The following SERINC5 variants were observed in gnomAD, a reference collection of about 807,000 sequenced individuals.
The protein encoded by SERINC5 is chromosome 5 open reading frame 12.
A neutral mutation model predicts 63.1 loss-of-function variants in SERINC5; 41 were observed. That is an observed-to-expected ratio of 0.65 (90% CI 0.51 to 0.84). The LOEUF (loss-of-function observed/expected upper bound fraction) is 0.84, where lower values mean the gene tolerates loss of function less well. Ranked by LOEUF, SERINC5 falls within the 40% of genes least tolerant of loss-of-function variation. The pLI is 0.00. For synonymous variants in SERINC5, 222 were observed against 215.2 expected (o/e 1.03, Z -0.28); for missense variants, 523 against 573.0 (o/e 0.91, Z 0.89).
Position 80,178,061 on chromosome 5 carries a change from G to A in SERINC5, c.199C>T (p.Pro67Ser). ...TVAHKMKEHI[P>S]FFEDMCKGIK... ...CCTTTACACATATCTTCAAAAAAAG[G>A]AATCTGAGGAGAAAGTTTAGAAAAG... The change falls in exon 3 of 12, where the codon CCT becomes TCT. Residue 67 changes from proline to serine, a missense_variant. Physicochemically the swap from Pro to Ser is moderately conservative, Grantham distance 74. Transcript: ENST00000507668. 2.5e-6 allele frequency: 4 copies of A among 1,592,972 alleles called. No individual in the cohort carries two copies. The highest frequency in any genetic ancestry group is 3.4e-6 in the Non-Finnish European group (4 of 1,171,970).
chr5:80,172,966 T>C (rs536066650), intron 5 of SERINC5, among the ~76,000 whole-genome samples: 4 of 152,288 alleles, frequency 2.6e-5, no homozygotes, highest in Non-Finnish European at 2.9e-5. Context: ...CATTTAACAA[T>C]TGGAGACCCA....
Position 80,232,791 on chromosome 5 carries a change from A to T in SERINC5, c.27+23105T>A, listed in dbSNP as rs10064181. Among the ~76,000 whole-genome samples, 705 of 152,246 alleles carry T rather than the reference A, an allele frequency of 4.6e-3. 5 individuals carry two copies. The highest frequency in any genetic ancestry group is 0.015 in the African/African-American group (639 of 41,536). ...GAGCGAAACTCCATCTCAAAAAAAAAAAATAAAAAGGAATGAAGTACTGAC... is the reference window on the plus strand; with the variant it reads ...GAGCGAAACTCCATCTCAAAAAAAATAAATAAAAAGGAATGAAGTACTGAC... On this transcript the variant is annotated intron_variant, in intron 1 of 11. Coordinates refer to ENST00000507668, the MANE Select transcript of SERINC5 (RefSeq NM_001174072.3).
At chr5:80,186,737 T>C (rs1348965370) in intron 2 of SERINC5, among the ~76,000 whole-genome samples, 2 of 152,222 alleles carry the variant, frequency 1.3e-5, no homozygotes, top group African/African-American at 2.4e-5. Context: ...ACAGGTCTAA[T>C]TGGCCAGGGG....
chr5:80,143,407 G>T lies in SERINC5; in HGVS notation c.*256C>A, dbSNP rs1466359388. 6 of 1,197,774 alleles carry T rather than the reference G, an allele frequency of 5.0e-6. No homozygotes were observed. The highest frequency in any genetic ancestry group is 5.2e-6 in the Non-Finnish European group (5 of 965,156). The allele number at this position is 1,197,774 out of a possible 1,614,324, so 74.2% of individuals were successfully genotyped here. On this transcript the variant is annotated 3_prime_UTR_variant, in exon 12 of 12. Coordinates refer to ENST00000507668, the MANE Select transcript of SERINC5 (RefSeq NM_001174072.3). ...ATGCAGAAGGAAGTCAACATAACTG[G>T]TATCCAGTTCCTAGGGGTAAGATAT...
chr5:80,180,324 T>C lies in SERINC5; in HGVS notation c.196-2260A>G, dbSNP rs1015005558. Among the ~76,000 whole-genome samples, 3 of 152,156 alleles carry C rather than the reference T, an allele frequency of 2.0e-5. No homozygotes were observed. The East Asian group carries it at 5.8e-4, about 29-fold the overall frequency. On this transcript the variant is annotated intron_variant, in intron 2 of 11. Transcript: ENST00000507668. ...AGAAAATAAATCACATTATAACTAT[T>C]ATTCATAAGAAAAATAAAGTATCAC...
chr5:80,121,017 A>G (rs1361724669), intron 11 of SERINC5, among the ~76,000 whole-genome samples: 1 of 151,964 alleles, frequency 6.6e-6, no homozygotes, highest in African/African-American at 2.4e-5. Context: ...CCTCCTGAGT[A>G]GCTGGGACTA....
intron 1 of SERINC5, among the ~76,000 whole-genome samples, chr5:80,222,802 G>T (rs1459951858): frequency 6.6e-6 from 1 of 151,974 alleles, no homozygotes; most frequent in South Asian, 2.1e-4. Context: ...TCGAACTCCT[G>T]GCCTCAGGTG....
chr5:80,230,957 C>T (rs1325279316), intron 1 of SERINC5, among the ~76,000 whole-genome samples: 5 of 151,972 alleles, frequency 3.3e-5, no homozygotes, highest in South Asian at 2.1e-4. Flanking sequence ...GAACTACAGG[C>T]GCACACTACC....
chr5:80,164,910 G>GTTATTTTTTTTTTTT (rs1747174487), intron 7 of SERINC5, among the ~76,000 whole-genome samples: 1 of 85,190 alleles, frequency 1.2e-5, no homozygotes. Context: ...CTTTTTTTCT[G>GTTATTTTTTTTTTTT]TTTTTTTTTT....
chr5:80,232,260 C>T (rs979381895), intron 1 of SERINC5, among the ~76,000 whole-genome samples: 3 of 151,178 alleles, frequency 2.0e-5, no homozygotes, highest in East Asian at 3.9e-4. Context: ...AAAAAAAAGC[C>T]GGGCGTGGTG....
chr5:80,243,743 T>C (rs868391304), intron 1 of SERINC5, among the ~76,000 whole-genome samples: 2 of 140,080 alleles, frequency 1.4e-5, no homozygotes, highest in South Asian at 4.6e-4. Context: ...CTGTCTCTAT[T>C]TAAATAAATA....
chr5:80,184,079 CAA>C (rs146026190), intron 2 of SERINC5, among the ~76,000 whole-genome samples: 398 of 152,244 alleles, frequency 2.6e-3, no homozygotes, highest in Admixed American at 4.2e-3. Flanking sequence ...TAACCCAAAA[CAA>C]AAGTTACACC....
At chr5:80,179,168 T>G (rs913272966) in intron 2 of SERINC5, among the ~76,000 whole-genome samples, 3 of 151,930 alleles carry the variant, frequency 2.0e-5, no homozygotes, top group East Asian at 1.9e-4. Context: ...GTGTGGTGGC[T>G]CGTGCCTGTA....
chr5:80,228,532 T>G (rs1468031798), intron 1 of SERINC5, among the ~76,000 whole-genome samples: 2 of 152,306 alleles, frequency 1.3e-5, no homozygotes, highest in African/African-American at 4.8e-5. Flanking sequence ...CATAGCTCTT[T>G]GGAGCCTTGA....
At chr5:80,150,341 C>T (rs897288258) in intron 9 of SERINC5, among the ~76,000 whole-genome samples, 7 of 152,032 alleles carry the variant, frequency 4.6e-5, no homozygotes, top group Admixed American at 2.6e-4. Context: ...AGGATGCCAC[C>T]CAAGAGGCCA....
chr5:80,238,784 A>C (rs1340766875), intron 1 of SERINC5, among the ~76,000 whole-genome samples: 1 of 104,490 alleles, frequency 9.6e-6, no homozygotes, highest in East Asian at 2.3e-4. Flanking sequence ...GCAAGACTTC[A>C]TCTCAAAAAA....
intron 1 of SERINC5, among the ~76,000 whole-genome samples, chr5:80,218,518 C>T (rs1199236963): frequency 6.6e-6 from 1 of 151,476 alleles, no homozygotes; most frequent in Non-Finnish European, 1.5e-5. Flanking sequence ...CCAGCCTGGG[C>T]AACAAGAGTG....
At chr5:80,152,719 T>TC (rs895790807) in intron 8 of SERINC5, among the ~76,000 whole-genome samples, 11 of 152,072 alleles carry the variant, frequency 7.2e-5, no homozygotes, top group African/African-American at 2.7e-4. Flanking sequence ...GGCGGGTGGA[T>TC]CCCTTGAGGT....
intron 11 of SERINC5, chr5:80,128,447 T>C (rs965116784): frequency 1.3e-5 from 2 of 152,166 alleles, no homozygotes; most frequent in Non-Finnish European, 2.9e-5. Flanking sequence ...ATTTGTCAAA[T>C]GCAATTCCTT....
Sources: gnomAD v4.1 joint callset for allele counts (sites outside exome capture counted in the v4.1 genomes callset) on GRCh38, gnomAD v4.1.1 for gene constraint, MANE v1.5 for transcripts, NCBI Gene and HGNC (gene_info 2026-07-23, HGNC 2026-07-21) for gene names.